Variants in PXYLP1 observed in about 807,000 individuals in gnomAD.
The protein encoded by PXYLP1 is 2-phosphoxylose phosphatase 1, also known as acid phosphatase-like 2.
A neutral mutation model predicts 37.9 loss-of-function variants in PXYLP1; 17 were observed. The ratio of observed to expected loss-of-function variants is 0.45; its 90% CI spans 0.31 to 0.67. The LOEUF (loss-of-function observed/expected upper bound fraction) is 0.67, where lower values mean the gene tolerates loss of function less well. Among genes scored for constraint, PXYLP1 ranks in the 30% least tolerant of loss-of-function variants. The probability of loss-of-function intolerance (pLI) is 0.07; values close to 1 mark genes in which losing one functional copy is unlikely to be tolerated. For synonymous variants in PXYLP1, 221 were observed against 232.2 expected (o/e 0.95, Z 0.44); for missense variants, 511 against 612.0 (o/e 0.84, Z 1.74).
At chr3:141,261,415 T>C (rs1941392736) in intron 2 of PXYLP1, among the ~76,000 whole-genome samples, 1 of 152,222 alleles carries the variant, frequency 6.6e-6, no homozygotes, top group South Asian at 2.1e-4. Context: ...AGGTGTTACA[T>C]AAGCATAAAC....
At chr3:141,246,888 C>G (rs1440256203) in intron 1 of PXYLP1, among the ~76,000 whole-genome samples, 3 of 152,212 alleles carry the variant, frequency 2.0e-5, no homozygotes, top group African/African-American at 7.2e-5. Context: ...GTTATTCAGG[C>G]AATAACTGGT....
At chr3:141,279,337 C>A (rs1412955585) in intron 3 of PXYLP1, 41 bp from the exon 4 acceptor site, 2 of 1,612,130 alleles carry the variant, frequency 1.2e-6, no homozygotes, top group East Asian at 2.2e-5. Context: ...AGGATTGACA[C>A]CTATTGAGTG....
At position 141,293,135 on chromosome 3, in the gene PXYLP1, G is replaced by C. The variant is rs940250582; in HGVS notation, c.1373G>C (p.Arg458Thr). 3.1e-6 allele frequency: 5 copies of C among 1,614,034 alleles called. No individual in the cohort carries two copies. In the African/African-American group the frequency reaches 6.7e-5, roughly 22 times the overall value. The change falls in exon 6 of 6, where the codon AGG (arginine) becomes ACG (threonine). Residue 458 changes from arginine to threonine, a missense_variant. Physicochemically the swap from Arg to Thr is moderately conservative, Grantham distance 71. Transcript: ENST00000286353. ...PLENLVRFVK[R>T]DMFVALGGSG... The stretch of plus-strand genomic sequence containing the variant: ...GAAAACTTGGTCCGCTTTGTGAAAA[G>C]GGACATGTTTGTAGCCCTGGGTGGC...
At chr3:141,284,868 G>A (rs556492620) in intron 4 of PXYLP1, among the ~76,000 whole-genome samples, 1 of 152,274 alleles carries the variant, frequency 6.6e-6, no homozygotes, top group African/African-American at 2.4e-5. Flanking sequence ...CAAACCGTAT[G>A]GGAACTTATC....
Position 141,257,747 on chromosome 3 carries a change from C to CA in PXYLP1, c.-53-2371dup, listed in dbSNP as rs553880882. On this transcript the variant is annotated intron_variant, in intron 1 of 5. Coordinates refer to ENST00000286353, the MANE Select transcript of PXYLP1 (RefSeq NM_001037172.3). ...TGAAACCCTGTCTCTACTAAAAGTACAAAAATTAGTCGGGTGTGTGGTGGC... is the reference window on the plus strand; with the variant it reads ...TGAAACCCTGTCTCTACTAAAAGTACAAAAAATTAGTCGGGTGTGTGGTGGC... Among the ~76,000 whole-genome samples the CA allele has an allele frequency of 5.3e-4, 80 of 151,924 alleles. 1 individual carries two copies. Among genetic ancestry groups the CA allele is most frequent in the African/African-American group, 1.7e-3 (72 of 41,428 alleles).
chr3:141,272,860 T>G, intron 2 of PXYLP1: 1 of 589,908 alleles, frequency 1.7e-6, no homozygotes, highest in Non-Finnish European at 2.1e-6. Flanking sequence ...TGGGTCTGCC[T>G]TTCCCAGCCC....
intron 1 of PXYLP1, among the ~76,000 whole-genome samples, chr3:141,248,411 G>GT (rs1361304153): frequency 6.6e-6 from 1 of 151,692 alleles, no homozygotes; most frequent in Non-Finnish European, 1.5e-5. Context: ...GCTAAATGTT[G>GT]TAATTGTGGG....
chr3:141,237,676 G>A (rs892924137), intron 1 of PXYLP1, among the ~76,000 whole-genome samples: 1 of 152,192 alleles, frequency 6.6e-6, no homozygotes, highest in African/African-American at 2.4e-5. Flanking sequence ...TTACCTTTTA[G>A]GCGCCAACTG....
At chr3:141,283,609 T>A (rs1942004502) in intron 4 of PXYLP1, among the ~76,000 whole-genome samples, 1 of 152,156 alleles carries the variant, frequency 6.6e-6, no homozygotes, top group Non-Finnish European at 1.5e-5. Flanking sequence ...AAAAGTACAC[T>A]GGGCTTATCT....
At chr3:141,284,033 A>G (rs1942015130) in intron 4 of PXYLP1, among the ~76,000 whole-genome samples, 1 of 152,162 alleles carries the variant, frequency 6.6e-6, no homozygotes, top group Non-Finnish European at 1.5e-5. Flanking sequence ...AGTTTTTCCT[A>G]AAGAAAAATT....
Position 141,293,533 on chromosome 3 carries a change from T to C in PXYLP1, c.*328T>C, listed in dbSNP as rs1478947108. 12 of 250,148 alleles carry C rather than the reference T, an allele frequency of 4.8e-5. No homozygotes were observed. The highest frequency in any genetic ancestry group is 9.2e-5 in the Non-Finnish European group (12 of 130,216). 15.5% of individuals were successfully genotyped at this position (250,148 alleles called of 1,614,324 possible). ...ACTCTTCTGGCCTGCCCCATGTTAC[T>C]ATGTGATGGAACCAGCACACCTCAA... is the stretch of plus-strand genomic sequence containing the variant. On this transcript the variant is annotated 3_prime_UTR_variant, in exon 6 of 6. Coordinates refer to ENST00000286353, the MANE Select transcript of PXYLP1 (RefSeq NM_001037172.3).
At chr3:141,279,981 A>T (rs1941909104) in intron 4 of PXYLP1, among the ~76,000 whole-genome samples, 2 of 152,240 alleles carry the variant, frequency 1.3e-5, no homozygotes, top group African/African-American at 4.8e-5. Flanking sequence ...AGAGCCATAT[A>T]AATGTAAGAA....
intron 1 of PXYLP1, among the ~76,000 whole-genome samples, chr3:141,247,497 A>G (rs1324286238): frequency 6.6e-6 from 1 of 152,240 alleles, no homozygotes; most frequent in African/African-American, 2.4e-5. Context: ...GAGAGGAAGC[A>G]TAGATGTCCA....
Position 141,248,783 on chromosome 3 carries a change from G to A in PXYLP1, c.-53-11340G>A, listed in dbSNP as rs1364796717. On this transcript the variant is annotated intron_variant, in intron 1 of 5. Coordinates refer to ENST00000286353, the MANE Select transcript of PXYLP1 (RefSeq NM_001037172.3). ...TACACACACGTGTATATATACACAC[G>A]TATATATATACACACACGTGTATAT... Among the ~76,000 whole-genome samples, 52 of 16,896 alleles carry A rather than the reference G, an allele frequency of 3.1e-3. 9 individuals are homozygous for A. Among genetic ancestry groups the A allele is most frequent in the Non-Finnish European group, 8.5e-4 (6 of 7,074 alleles). 11.1% of individuals were successfully genotyped at this position (16,896 alleles called of 152,430 possible).
intron 5 of PXYLP1, among the ~76,000 whole-genome samples, chr3:141,288,632 G>A (rs932939954): frequency 6.6e-5 from 10 of 152,212 alleles, no homozygotes; most frequent in Admixed American, 2.0e-4. Flanking sequence ...GGTGCCTCAT[G>A]CCTGTAATCC....
intron 5 of PXYLP1, among the ~76,000 whole-genome samples, chr3:141,289,778 G>T (rs1207524372): frequency 6.6e-6 from 1 of 152,010 alleles, no homozygotes; most frequent in African/African-American, 2.4e-5. Flanking sequence ...AGGTCCTAGG[G>T]GTTAGCATCC....
At chr3:141,248,195 TG>T (rs1467386238) in intron 1 of PXYLP1, among the ~76,000 whole-genome samples, 1 of 151,760 alleles carries the variant, frequency 6.6e-6, no homozygotes, top group East Asian at 1.9e-4. Flanking sequence ...GGTAATTTTT[TG>T]TGTGTGTGGC....
At chr3:141,262,044 G>A in intron 2 of PXYLP1, 1 of 154,282 alleles carries the variant, frequency 6.5e-6, no homozygotes, top group Non-Finnish European at 1.5e-5. Context: ...AAGGGCAGGT[G>A]GCTCGGTAAG....
intron 2 of PXYLP1, chr3:141,274,557 C>G (rs1436776020): frequency 2.7e-6 from 3 of 1,092,062 alleles, no homozygotes; most frequent in Non-Finnish European, 4.0e-6. Flanking sequence ...CCTCAGTGCT[C>G]CACATGAGGA....
Sources: allele counts gnomAD v4.1 joint callset (sites outside exome capture counted in the v4.1 genomes callset), GRCh38; gene constraint gnomAD v4.1.1; transcripts MANE v1.5; gene names NCBI Gene and HGNC (gene_info 2026-07-23, HGNC 2026-07-21).